PDE1A: variants seen among roughly 807,000 people sequenced by gnomAD.
PDE1A encodes dual specificity calcium/calmodulin-dependent 3',5'-cyclic nucleotide phosphodiesterase 1A.
In PDE1A, 35 loss-of-function variants were observed where a neutral mutation model predicts 61.7. That is an observed-to-expected ratio of 0.57 (90% CI 0.43 to 0.75). The LOEUF is 0.75. Among genes scored for constraint, PDE1A ranks in the 30% least tolerant of loss-of-function variants. The pLI is 0.00. For synonymous variants in PDE1A, 232 were observed against 213.2 expected (o/e 1.09, Z -0.77); for missense variants, 597 against 630.6 (o/e 0.95, Z 0.57).
At chr2:182,629,930 G>A in the PDE1A span, among the ~76,000 whole-genome samples, 1 of 152,036 alleles carries the variant, frequency 6.6e-6, no homozygotes. Context: ...TTTTAGGTTT[G>A]GCCAGTGTGT....
intron 10 of PDE1A, among the ~76,000 whole-genome samples, chr2:182,199,033 A>T (rs1274509742): frequency 2.6e-5 from 4 of 151,978 alleles, no homozygotes; most frequent in Non-Finnish European, 2.9e-5. Context: ...AAACAGATAT[A>T]TGAATATTCA....
At chr2:182,541,648 C>T in the PDE1A span, among the ~76,000 whole-genome samples, 1 of 152,116 alleles carries the variant, frequency 6.6e-6, no homozygotes, top group African/African-American at 2.4e-5. Flanking sequence ...GAGGCTCAAT[C>T]TCTAATAAGG....
chr2:182,159,817 G>T lies in PDE1A; in HGVS notation c.1517-12665C>A, dbSNP rs1269751279. Among the ~76,000 whole-genome samples the T allele has an allele frequency of 5.3e-5, 8 of 152,248 alleles. No homozygotes were observed. In the East Asian group the frequency reaches 1.5e-3, roughly 29 times the overall value. On this transcript the variant is annotated intron_variant, in intron 13 of 13. Coordinates refer to the PDE1A transcript ENST00000409365. ...AAAAGTGAAAATTTAGCCAGGCATG[G>T]TAGTGTGTGTCTGTAGTCCTAGCTA...
chr2:182,451,696 G>A (rs989120441), intron 2 of PDE1A, among the ~76,000 whole-genome samples: 1 of 152,056 alleles, frequency 6.6e-6, no homozygotes, highest in African/African-American at 2.4e-5. Flanking sequence ...CTATACTCTA[G>A]TTGCTTAAAC....
chr2:182,460,765 CA>C (rs771717205), intron 2 of PDE1A, among the ~76,000 whole-genome samples: 2 of 152,266 alleles, frequency 1.3e-5, no homozygotes, highest in East Asian at 1.9e-4. Flanking sequence ...ACTATAACTA[CA>C]AATTAGAAAA....
At chr2:182,230,219 C>A in intron 5 of PDE1A, 73 bp from the exon 6 acceptor site, 1 of 1,206,500 alleles carries the variant, frequency 8.3e-7, no homozygotes, top group South Asian at 1.4e-5. Flanking sequence ...CACTGTTTGT[C>A]ATGGAACATA....
chr2:182,399,479 G>T (rs540247644), intron 1 of PDE1A, among the ~76,000 whole-genome samples: 1 of 151,842 alleles, frequency 6.6e-6, no homozygotes, highest in Non-Finnish European at 1.5e-5. Context: ...TATTGTAAAA[G>T]GTTTTAAAAT....
intron 1 of PDE1A, among the ~76,000 whole-genome samples, chr2:182,308,264 A>G (rs75205960): frequency 0.027 from 4,144 of 152,252 alleles, 107 homozygotes; most frequent in South Asian, 0.11. Flanking sequence ...TTTCAAGGAT[A>G]ATTCTATAAT....
intron 3 of PDE1A, among the ~76,000 whole-genome samples, chr2:182,235,100 T>C (rs1435540811): frequency 6.6e-6 from 1 of 152,198 alleles, no homozygotes; most frequent in African/African-American, 2.4e-5. Context: ...ATTTCCATAA[T>C]AGTATCAATA....
At chr2:182,283,470 C>T (rs910514016) in intron 1 of PDE1A, among the ~76,000 whole-genome samples, 1 of 151,594 alleles carries the variant, frequency 6.6e-6, no homozygotes, top group African/African-American at 2.4e-5. Context: ...TCATTAAATG[C>T]TATATAACAC....
At chr2:182,652,547 C>T in the PDE1A span, among the ~76,000 whole-genome samples, 1 of 152,066 alleles carries the variant, frequency 6.6e-6, no homozygotes, top group African/African-American at 2.4e-5. Context: ...AACTATCCTC[C>T]CCAGCCACAG....
intron 1 of PDE1A, among the ~76,000 whole-genome samples, chr2:182,270,104 C>G (rs1263749861): frequency 6.6e-6 from 1 of 152,056 alleles, no homozygotes; most frequent in Non-Finnish European, 1.5e-5. Context: ...ATGTGCTGAG[C>G]ACACTTTGAT....
intron 2 of PDE1A, among the ~76,000 whole-genome samples, chr2:182,481,849 C>A (rs1404430430): frequency 6.6e-6 from 1 of 151,910 alleles, no homozygotes; most frequent in African/African-American, 2.4e-5. Context: ...CCATACTAAT[C>A]TGATAAGAGG....
rs565629984 is a variant in PDE1A, at chr2:182,478,214, C to T, written c.101+44062G>A. ...TCTAAAGATGTATTTCTTTGTGTCT[C>T]GATACTTGCTATAATCCCCAAAACA... is the stretch of plus-strand genomic sequence containing the variant. On this transcript the variant is annotated intron_variant, in intron 2 of 14. Transcript: ENST00000410103. 9.9e-5 allele frequency among the ~76,000 whole-genome samples: 15 copies of T among 151,826 alleles called. No individual in the cohort carries two copies. In the South Asian group the frequency reaches 1.2e-3, roughly 13 times the overall value.
At chr2:182,265,570 A>C (rs1308829549) in intron 1 of PDE1A, among the ~76,000 whole-genome samples, 1 of 152,134 alleles carries the variant, frequency 6.6e-6, no homozygotes, top group East Asian at 1.9e-4. Context: ...TAGATGCCTG[A>C]GTTACAGAAA....
rs116659032 is a variant in PDE1A at position 182,239,913 on chromosome 2, A to G, written c.350+197T>C. Among the ~76,000 whole-genome samples, 924 of 152,332 alleles carry G rather than the reference A, an allele frequency of 6.1e-3. 9 individuals carry two copies. Among genetic ancestry groups the G allele is most frequent in the African/African-American group, 0.021 (883 of 41,568 alleles). The stretch of plus-strand genomic sequence containing the variant: ...CTTCATGTCAACTTAAAATAAATAA[A>G]AAGAATGCATCCGGGACCAGGTGTT... On this transcript the variant is annotated intron_variant, in intron 3 of 13. Coordinates refer to ENST00000351439, the Ensembl canonical transcript of PDE1A.
chr2:182,443,928 C>A (rs912201435), intron 2 of PDE1A, among the ~76,000 whole-genome samples: 1 of 152,078 alleles, frequency 6.6e-6, no homozygotes, highest in Admixed American at 6.6e-5. Context: ...GTCTTGAACT[C>A]CTGACCTCAG....
At chr2:182,425,271 G>A (rs1178518505) in intron 1 of PDE1A, among the ~76,000 whole-genome samples, 3 of 152,072 alleles carry the variant, frequency 2.0e-5, no homozygotes, top group Non-Finnish European at 4.4e-5. Context: ...GAATCATCTG[G>A]GCAACTATCA....
At chr2:182,389,740 G>C (rs142059783) in intron 1 of PDE1A, among the ~76,000 whole-genome samples, 3 of 152,086 alleles carry the variant, frequency 2.0e-5, no homozygotes, top group African/African-American at 7.2e-5. Context: ...CATTCCAGTC[G>C]GTGGATTGGG....
Sources: gnomAD v4.1 joint callset for allele counts (sites outside exome capture counted in the v4.1 genomes callset) on GRCh38, gnomAD v4.1.1 for gene constraint, MANE v1.5 for transcripts, NCBI Gene and HGNC (gene_info 2026-07-23, HGNC 2026-07-21) for gene names.